Variants in ENOX1 observed in about 807,000 individuals in gnomAD.
The protein encoded by ENOX1 is ecto-NOX disulfide-thiol exchanger 1.
In ENOX1, 42 loss-of-function variants were observed where a neutral mutation model predicts 82.5. The ratio of observed to expected loss-of-function variants is 0.51; its 90% CI spans 0.40 to 0.66. The LOEUF (loss-of-function observed/expected upper bound fraction) is 0.66, where lower values mean the gene tolerates loss of function less well. ENOX1 is among the 30% of genes least tolerant of loss of function. The pLI, the probability that ENOX1 is intolerant of heterozygous loss-of-function variation, is 0.00. For missense variants in ENOX1, 608 were observed against 811.6 expected, an observed-to-expected ratio of 0.75 and a Z score of 3.05; for synonymous variants, 271 against 282.2, an observed-to-expected ratio of 0.96 and a Z score of 0.40.
At chr13:43,580,598 A>G (rs185657576) in intron 2 of ENOX1, among the ~76,000 whole-genome samples, 161 of 152,352 alleles carry the variant, frequency 1.1e-3, no homozygotes, top group Non-Finnish European at 1.9e-3. Flanking sequence ...GCCTCAGTTA[A>G]GCTGTTGCAA....
At chr13:43,727,861 T>C (rs1029775816) in intron 1 of ENOX1, among the ~76,000 whole-genome samples, 7 of 152,190 alleles carry the variant, frequency 4.6e-5, no homozygotes, top group African/African-American at 1.7e-4. Flanking sequence ...GAAGTCAAAG[T>C]TTTAAAAAGG....
intron 3 of ENOX1, among the ~76,000 whole-genome samples, chr13:43,415,242 T>G (rs952508206): frequency 6.9e-6 from 1 of 144,738 alleles, no homozygotes; most frequent in East Asian, 2.0e-4. Context: ...GTTTTTTTTT[T>G]TTTTTTTTTT....
At chr13:43,374,249 C>CT (rs532163452) in intron 5 of ENOX1, among the ~76,000 whole-genome samples, 1,308 of 127,864 alleles carry the variant, frequency 0.01, 11 homozygotes, top group Non-Finnish European at 0.016. Context: ...CTTTTCTTTT[C>CT]TTTTTTTTTT....
At chr13:43,358,848 T>C (rs544974708) in intron 7 of ENOX1, among the ~76,000 whole-genome samples, 1 of 152,338 alleles carries the variant, frequency 6.6e-6, no homozygotes, top group Admixed American at 6.5e-5. Context: ...TTTGTCTTCC[T>C]TCTCCATTTT....
chr13:43,668,684 G>A (rs1227053931), intron 1 of ENOX1, among the ~76,000 whole-genome samples: 1 of 152,144 alleles, frequency 6.6e-6, no homozygotes, highest in African/African-American at 2.4e-5. Flanking sequence ...ATTACCACAT[G>A]GCATGATAGA....
At chr13:43,635,786 G>C (rs2083392304) in intron 2 of ENOX1, among the ~76,000 whole-genome samples, 1 of 152,090 alleles carries the variant, frequency 6.6e-6, no homozygotes, top group South Asian at 2.1e-4. Flanking sequence ...GAGCGAGCGA[G>C]CACACACATG....
At chr13:43,631,730 G>A (rs1442906919) in intron 2 of ENOX1, among the ~76,000 whole-genome samples, 1 of 151,512 alleles carries the variant, frequency 6.6e-6, no homozygotes, top group Non-Finnish European at 1.5e-5. Flanking sequence ...TTTTTTCTTT[G>A]GCTAAAATTT....
At chr13:43,402,696 T>A (rs1320024068) in intron 5 of ENOX1, among the ~76,000 whole-genome samples, 1 of 152,176 alleles carries the variant, frequency 6.6e-6, no homozygotes, top group Non-Finnish European at 1.5e-5. Context: ...ACGCAATTAA[T>A]CCATAGTTAC....
chr13:43,282,387 G>A (rs1391194623), intron 12 of ENOX1, among the ~76,000 whole-genome samples: 3 of 151,098 alleles, frequency 2.0e-5, no homozygotes, highest in Non-Finnish European at 4.4e-5. Context: ...TTACGAATTA[G>A]TTGGAAAGTG....
intron 5 of ENOX1, among the ~76,000 whole-genome samples, chr13:43,384,335 C>G (rs2052268614): frequency 6.6e-6 from 1 of 152,184 alleles, no homozygotes; most frequent in Non-Finnish European, 1.5e-5. Flanking sequence ...TCTAACAATG[C>G]AGCAAAATCT....
intron 2 of ENOX1, among the ~76,000 whole-genome samples, chr13:43,550,911 T>G (rs2079168699): frequency 6.6e-6 from 1 of 152,220 alleles, no homozygotes; most frequent in Non-Finnish European, 1.5e-5. Flanking sequence ...GAGTTCGTAT[T>G]ACAAAACATG....
At chr13:43,692,037 A>T (rs2086394336) in intron 1 of ENOX1, among the ~76,000 whole-genome samples, 1 of 151,982 alleles carries the variant, frequency 6.6e-6, no homozygotes, top group Admixed American at 6.6e-5. Flanking sequence ...AACACTCTCT[A>T]CCTAACTCTG....
At chr13:43,391,559 A>C (rs944091127) in intron 5 of ENOX1, among the ~76,000 whole-genome samples, 6 of 152,050 alleles carry the variant, frequency 3.9e-5, no homozygotes, top group African/African-American at 1.5e-4. Flanking sequence ...TGTGTTTCTC[A>C]CTTCATAAAC....
At chr13:43,371,271 G>T (rs1344584302) in intron 5 of ENOX1, among the ~76,000 whole-genome samples, 1 of 152,192 alleles carries the variant, frequency 6.6e-6, no homozygotes, top group Non-Finnish European at 1.5e-5. Context: ...TGAACATTCA[G>T]TCAAGCCCCT....
intron 5 of ENOX1, among the ~76,000 whole-genome samples, chr13:43,397,319 G>A (rs148684942): frequency 2.0e-5 from 3 of 152,340 alleles, no homozygotes; most frequent in Non-Finnish European, 4.4e-5. Flanking sequence ...AGTGTTGAAA[G>A]TATAAAATGA....
chr13:43,373,347 T>G (rs1423991457), intron 5 of ENOX1, among the ~76,000 whole-genome samples: 1 of 152,166 alleles, frequency 6.6e-6, no homozygotes, highest in Non-Finnish European at 1.5e-5. Flanking sequence ...CTCCTCTTTC[T>G]TCTCCCCCAG....
chr13:43,754,107 TATGTATAC>T (rs1950495607), intron 1 of ENOX1, among the ~76,000 whole-genome samples: 5 of 129,568 alleles, frequency 3.9e-5, no homozygotes, highest in African/African-American at 1.3e-4. Flanking sequence ...TGTATACGTA[TATGTATAC>T]ATAAGTATAC....
chr13:43,579,168 C>T (rs1367306164), intron 2 of ENOX1, among the ~76,000 whole-genome samples: 1 of 152,026 alleles, frequency 6.6e-6, no homozygotes, highest in East Asian at 1.9e-4. Flanking sequence ...ACTAAGCACA[C>T]ATTAAATGTA....
intron 9 of ENOX1, among the ~76,000 whole-genome samples, chr13:43,333,812 G>A (rs551838946): frequency 4.6e-5 from 7 of 152,180 alleles, no homozygotes; most frequent in East Asian, 1.9e-4. Context: ...TAGTAGAGAC[G>A]GGGTTTCACC....
Sources: allele counts gnomAD v4.1 joint callset (sites outside exome capture counted in the v4.1 genomes callset), GRCh38; gene constraint gnomAD v4.1.1; transcripts MANE v1.5; gene names NCBI Gene and HGNC (gene_info 2026-07-23, HGNC 2026-07-21).